LMO1: variants seen among roughly 807,000 people sequenced by gnomAD.
The protein encoded by LMO1 is LIM domain only 1, also known as rhombotin-1.
LMO1 carries 10 observed loss-of-function variants against 18.0 expected under a neutral mutation model. The ratio of observed to expected loss-of-function variants is 0.55; its 90% confidence interval spans 0.34 to 0.94. The LOEUF (loss-of-function observed/expected upper bound fraction) is 0.94. Ranked by LOEUF, LMO1 falls within the 40% of genes least tolerant of loss-of-function variation. The pLI is 0.02. For missense variants in LMO1, 183 were observed against 205.7 expected (o/e 0.89, Z 0.68); for synonymous variants, 77 against 77.9 (o/e 0.99, Z 0.06).
At chr11:8,229,076 G>A (rs1246069961) in intron 2 of LMO1, among the ~76,000 whole-genome samples, 1 of 151,376 alleles carries the variant, frequency 6.6e-6, no homozygotes, top group Non-Finnish European at 1.5e-5. Flanking sequence ...TTTTAGAAAC[G>A]GGGTTTCACC....
At position 8,263,756 on chromosome 11, in the gene LMO1, A is replaced by G; in HGVS notation, c.-394T>C. On this transcript the variant is annotated 5_prime_UTR_variant, in exon 1 of 4. Coordinates refer to ENST00000335790, the MANE Select transcript of LMO1 (RefSeq NM_002315.3). ...TCATAACCCTGTCTCTGGCAACGAC[A>G]CAGCTTTCAGCCTCATAAAGTGTTT... 9.2e-7 allele frequency: 1 copy of G among 1,088,394 alleles called. No homozygotes were observed. The allele number at this position is 1,088,394 out of a possible 1,614,324, so 67.4% of individuals were successfully genotyped here. A position where few individuals can be genotyped will look rare whatever the true frequency, so the allele number is the denominator to read the frequency against.
chr11:8,230,316 T>C lies in LMO1; in HGVS notation c.214A>G (p.Ile72Val). The C allele has an allele frequency of 6.2e-7, 1 of 1,613,878 alleles. No homozygotes were observed. Among genetic ancestry groups the C allele is most frequent in the Non-Finnish European group, 8.5e-7 (1 of 1,179,900 alleles). ...CTCAGGTAGTCGCGTCGGCACAGGA[T>C]GAGGTTGGCCTTGGTGTAGAGGGTG... Reference protein sequence around the residue: ...GSTLYTKANLILCRRDYLRLF... With the variant: ...GSTLYTKANLVLCRRDYLRLF... Residue 72 changes from isoleucine to valine, a missense_variant, in exon 2 of 4, where the codon ATC (isoleucine) becomes GTC (valine). By Grantham distance (29) the Ile-to-Val change is conservative. Coordinates refer to ENST00000335790, the MANE Select transcript of LMO1 (RefSeq NM_002315.3).
chr11:8,253,748 C>T (rs945996910), intron 1 of LMO1, among the ~76,000 whole-genome samples: 9 of 152,092 alleles, frequency 5.9e-5, no homozygotes, highest in East Asian at 1.9e-4. Flanking sequence ...ATCAAGTCAC[C>T]GTGCCAACCA....
intron 1 of LMO1, among the ~76,000 whole-genome samples, chr11:8,256,717 C>A (rs1847104971): frequency 6.6e-6 from 1 of 152,188 alleles, no homozygotes; most frequent in Non-Finnish European, 1.5e-5. Context: ...CTGGGAGAAG[C>A]CTCAGCCAAC....
chr11:8,251,431 C>T (rs558668113), intron 1 of LMO1, among the ~76,000 whole-genome samples: 8 of 152,338 alleles, frequency 5.3e-5, no homozygotes, highest in South Asian at 4.1e-4. Flanking sequence ...CCGCCTCCAC[C>T]GCCCCGTAAC....
In LMO1 at chr11:8,259,194, C is replaced by T. The variant is rs144251288; in HGVS notation, c.25+4144G>A. Among the ~76,000 whole-genome samples the T allele has an allele frequency of 8.8e-3, 1,336 of 152,302 alleles. 5 individuals carry two copies. Among genetic ancestry groups the T allele is most frequent in the South Asian group, 0.021 (100 of 4,826 alleles). On this transcript the variant is annotated intron_variant, in intron 1 of 3. Transcript: ENST00000335790. ...GGGTACATTAGCGAGACATGGATTCCGGACGACAGACCAATTTATGTTGTT... is the reference window on the plus strand; with the variant it reads ...GGGTACATTAGCGAGACATGGATTCTGGACGACAGACCAATTTATGTTGTT...
At chr11:8,267,935 A>G (rs1162675854), upstream of LMO1, among the ~76,000 whole-genome samples, 1 of 152,178 alleles carries the variant, frequency 6.6e-6, no homozygotes, top group Non-Finnish European at 1.5e-5. Context: ...TGCTGGTTTG[A>G]CGGCACCCTC....
chr11:8,256,807 A>G (rs1379930921), intron 1 of LMO1, among the ~76,000 whole-genome samples: 1 of 152,246 alleles, frequency 6.6e-6, no homozygotes, highest in African/African-American at 2.4e-5. Flanking sequence ...CATGGAACCC[A>G]AAACCAGAGC....
chr11:8,261,104 C>T (rs542716631), intron 1 of LMO1, among the ~76,000 whole-genome samples: 20 of 152,140 alleles, frequency 1.3e-4, no homozygotes, highest in South Asian at 2.1e-4. Context: ...TGAGCAGAAA[C>T]GTCGCTTTTG....
intron 3 of LMO1, among the ~76,000 whole-genome samples, chr11:8,226,579 TAC>T (rs972642315): frequency 1.3e-5 from 2 of 152,172 alleles, no homozygotes; most frequent in African/African-American, 4.8e-5. Flanking sequence ...ACGTTGCACA[TAC>T]ACATACACCC....
At chr11:8,258,631 T>G (rs568709656) in intron 1 of LMO1, among the ~76,000 whole-genome samples, 2 of 152,188 alleles carry the variant, frequency 1.3e-5, no homozygotes, top group Non-Finnish European at 2.9e-5. Context: ...GTGAAGTTCC[T>G]TAAATGGAAG....
In LMO1 at chr11:8,263,373, C is replaced by G; in HGVS notation, c.-11G>C. 2 of 1,604,444 alleles carry G rather than the reference C, an allele frequency of 1.2e-6. No individual in the cohort carries two copies. Among genetic ancestry groups the G allele is most frequent in the Non-Finnish European group, 1.7e-6 (2 of 1,178,650 alleles). ...GTCCAGCACCATCATCTCGGGCGCT[C>G]CGTGTCCAGCCGCAGCTAGGCTCGG... On this transcript the variant is annotated 5_prime_UTR_variant, in exon 1 of 4. Transcript: ENST00000335790.
At chr11:8,252,008 A>G (rs1000237108) in intron 1 of LMO1, among the ~76,000 whole-genome samples, 62 of 147,764 alleles carry the variant, frequency 4.2e-4, no homozygotes, top group African/African-American at 1.4e-3. Flanking sequence ...GTGTGTGTGA[A>G]TGTGTGTGAG....
At chr11:8,232,998 C>A (rs1009427674) in intron 1 of LMO1, among the ~76,000 whole-genome samples, 1 of 152,210 alleles carries the variant, frequency 6.6e-6, no homozygotes, top group Admixed American at 6.5e-5. Flanking sequence ...ACCTAGAGGA[C>A]CCTGTGGAAG....
At chr11:8,247,161 G>A (rs74598873) in intron 1 of LMO1, among the ~76,000 whole-genome samples, 5,036 of 152,316 alleles carry the variant, frequency 0.033, 156 homozygotes, top group African/African-American at 0.084. Context: ...CCCATGGCAG[G>A]GGGGTCCCTC....
intron 1 of LMO1, among the ~76,000 whole-genome samples, chr11:8,248,988 G>A (rs1201163272): frequency 2.0e-5 from 3 of 152,194 alleles, no homozygotes; most frequent in South Asian, 2.1e-4. Flanking sequence ...AGGGCCTCAG[G>A]GACAAAGCTG....
upstream of LMO1, among the ~76,000 whole-genome samples, chr11:8,264,091 C>T (rs1452952214): frequency 2.6e-5 from 4 of 151,908 alleles, no homozygotes; most frequent in African/African-American, 9.7e-5. Flanking sequence ...CACTCCCAGA[C>T]CCTCAGCCTT....
At chr11:8,255,507 G>A (rs1009233977) in intron 1 of LMO1, among the ~76,000 whole-genome samples, 23 of 152,162 alleles carry the variant, frequency 1.5e-4, no homozygotes, top group African/African-American at 5.6e-4. Flanking sequence ...TCTCAAAAAA[G>A]AGAAGGCTTT....
intron 1 of LMO1, among the ~76,000 whole-genome samples, chr11:8,243,831 T>C (rs560211678): frequency 6.6e-6 from 1 of 152,308 alleles, no homozygotes; most frequent in Non-Finnish European, 1.5e-5. Context: ...ACAGAGGATG[T>C]TCCTGGCAGC....
Sources: allele counts gnomAD v4.1 joint callset (sites outside exome capture counted in the v4.1 genomes callset), GRCh38; gene constraint gnomAD v4.1.1; transcripts MANE v1.5; gene names NCBI Gene and HGNC (gene_info 2026-07-23, HGNC 2026-07-21).